Variants in PCDHGA1 observed in about 807,000 individuals in gnomAD.
The protein encoded by PCDHGA1 is protocadherin gamma-A1.
PCDHGA1 carries 32 observed loss-of-function variants against 58.0 expected under a neutral mutation model. The observed-to-expected ratio is 0.55, with a 90% CI of 0.42 to 0.74. The LOEUF (loss-of-function observed/expected upper bound fraction) is 0.74. Ranked by LOEUF, PCDHGA1 falls within the 30% of genes least tolerant of loss-of-function variation. The pLI is 0.00. For missense variants in PCDHGA1, 1,205 were observed against 1,182.3 expected, an observed-to-expected ratio of 1.02 and a Z score of -0.28; for synonymous variants, 498 against 501.1, an observed-to-expected ratio of 0.99 and a Z score of 0.08.
Position 141,431,428 on chromosome 5 carries a change from A to G in PCDHGA1, c.2422-63379A>G. The stretch of plus-strand genomic sequence containing the variant: ...CCGACGGGGGCGACCCGGTGCGCAC[A>G]GGCACCGCGCGCATCCGCGTGATGG... On this transcript the variant is annotated intron_variant, in intron 1 of 3. Transcript: ENST00000517417. This position sits in a 1 kb window ranked among gnomAD's most constrained non-coding sequence, Gnocchi z 4.8. The G allele has an allele frequency of 6.2e-7, 1 of 1,613,664 alleles. No individual in the cohort carries two copies. Among genetic ancestry groups the G allele is most frequent in the Non-Finnish European group, 8.5e-7 (1 of 1,179,998 alleles).
chr5:141,415,848 A>C (rs1222834072), intron 1 of PCDHGA1: 1 of 1,241,178 alleles, frequency 8.1e-7, no homozygotes, highest in Non-Finnish European at 1.0e-6. Context: ...GCTTTGCAGA[A>C]CCTTGTAGTT....
chr5:141,398,660 T>C, intron 1 of PCDHGA1: 2 of 1,614,038 alleles, frequency 1.2e-6, no homozygotes, highest in Non-Finnish European at 1.7e-6. Context: ...AACCCAAGTT[T>C]CTCATTAATA....
At chr5:141,427,602 A>G (rs1415454468) in intron 1 of PCDHGA1, 1 of 685,668 alleles carries the variant, frequency 1.5e-6, no homozygotes, top group Non-Finnish European at 2.7e-6. Flanking sequence ...CACCCTACGC[A>G]TTGGTGAAGT....
chr5:141,476,267 G>T lies in PCDHGA1; in HGVS notation c.2422-18540G>T, dbSNP rs373758158. 15 of 1,614,056 alleles carry T rather than the reference G, an allele frequency of 9.3e-6. No homozygotes were observed. In the South Asian group the frequency reaches 1.6e-4, roughly 18 times the overall value. On this transcript the variant is annotated intron_variant, in intron 1 of 3. Transcript: ENST00000517417. This position sits in a 1 kb window ranked among gnomAD's most constrained non-coding sequence, Gnocchi z 7.6. ...GAAGGGTTTCGCTGTGGGCAACGTGGTCGCGAACCTTGGTTTGGATCTCGG... is the reference window on the plus strand; with the variant it reads ...GAAGGGTTTCGCTGTGGGCAACGTGTTCGCGAACCTTGGTTTGGATCTCGG...
intron 1 of PCDHGA1, chr5:141,400,748 C>A: frequency 5.0e-6 from 3 of 604,576 alleles, no homozygotes; most frequent in Non-Finnish European, 8.6e-6. Context: ...TTGCTCTTAG[C>A]TTCCTCTCTA....
intron 1 of PCDHGA1, chr5:141,360,795 A>G (rs755316172): frequency 2.5e-6 from 4 of 1,613,818 alleles, no homozygotes; most frequent in African/African-American, 2.7e-5. Context: ...GCGGAGACCC[A>G]CCTCAAAGTG....
At chr5:141,492,218 T>C (rs2099738354) in intron 1 of PCDHGA1, among the ~76,000 whole-genome samples, 1 of 152,114 alleles carries the variant, frequency 6.6e-6, no homozygotes. Flanking sequence ...GCGGGGCTCA[T>C]GCGTGTCCTC....
chr5:141,472,564 A>G (rs1471933375), intron 1 of PCDHGA1, among the ~76,000 whole-genome samples: 6 of 152,050 alleles, frequency 3.9e-5, no homozygotes, highest in Admixed American at 2.6e-4. Context: ...TATATTATAA[A>G]TGCTGCATCT....
intron 1 of PCDHGA1, among the ~76,000 whole-genome samples, chr5:141,380,667 T>G (rs552117625): frequency 1.1e-4 from 16 of 152,362 alleles, no homozygotes; most frequent in African/African-American, 3.6e-4. Flanking sequence ...ATTTACTCCA[T>G]AGGGTATGTA....
At chr5:141,478,603 A>C (rs116528962) in intron 1 of PCDHGA1, 173 of 1,563,096 alleles carry the variant, frequency 1.1e-4, no homozygotes, top group Non-Finnish European at 1.4e-4. Context: ...CCTACATCAT[A>C]TTGAGGAAGG....
intron 1 of PCDHGA1, among the ~76,000 whole-genome samples, chr5:141,443,695 A>G (rs1324985529): frequency 1.3e-5 from 2 of 152,272 alleles, no homozygotes; most frequent in Non-Finnish European, 2.9e-5. Context: ...TTCAAAAATT[A>G]TAGAATAACA....
intron 1 of PCDHGA1, among the ~76,000 whole-genome samples, chr5:141,358,422 T>C (rs1760913862): frequency 6.6e-6 from 1 of 152,208 alleles, no homozygotes; most frequent in South Asian, 2.1e-4. Context: ...GAAAGGGTAT[T>C]TTCCATTATA....
Position 141,490,400 on chromosome 5 carries a change from T to A in PCDHGA1, c.2422-4407T>A. On this transcript the variant is annotated intron_variant, in intron 1 of 3. Coordinates refer to ENST00000517417, the MANE Select transcript of PCDHGA1 (RefSeq NM_018912.3). This position sits in a 1 kb window ranked among gnomAD's most constrained non-coding sequence, Gnocchi z 5.4. ...TCAGGTAGAAATGGTGAAGTGAGCC[T>A]TGATATCTCTCCGGACCTGCCATTT... The A allele has an allele frequency of 6.2e-7, 1 of 1,614,202 alleles. No homozygotes were observed. Among genetic ancestry groups the A allele is most frequent in the Non-Finnish European group, 8.5e-7 (1 of 1,180,032 alleles).
intron 1 of PCDHGA1, among the ~76,000 whole-genome samples, chr5:141,336,847 G>A (rs2149717938): frequency 6.6e-6 from 1 of 152,222 alleles, no homozygotes; most frequent in Non-Finnish European, 1.5e-5. Context: ...AGAGTGAAAA[G>A]GCAGCCCACA....
In PCDHGA1 at chr5:141,332,250, T is replaced by C. The variant is rs745568006; in HGVS notation, c.1566T>C (p.Tyr522=). Residue 522 remains tyrosine, a synonymous_variant, in exon 1 of 4, where the codon TAT becomes TAC. Coordinates refer to ENST00000517417, the MANE Select transcript of PCDHGA1 (RefSeq NM_018912.3). The surrounding 1 kb of genome is among the most constrained non-coding windows in gnomAD (Gnocchi z 4.6). ...GVLYALRSFD[Y]EQFRDMQLKV... ...TGTATGCGCTGCGATCCTTCGACTA[T>C]GAGCAGTTCCGGGACATGCAACTGA... The C allele has an allele frequency of 1.2e-6, 2 of 1,614,222 alleles. No homozygotes were observed. The highest frequency in any genetic ancestry group is 8.5e-7 in the Non-Finnish European group (1 of 1,180,044).
intron 1 of PCDHGA1, chr5:141,375,182 G>C: frequency 6.2e-7 from 1 of 1,613,936 alleles, no homozygotes; most frequent in Non-Finnish European, 8.5e-7. Context: ...AACAGTAATC[G>C]CCCTTTTTCA....
chr5:141,421,812 A>T, intron 1 of PCDHGA1: 1 of 1,613,822 alleles, frequency 6.2e-7, no homozygotes, highest in Non-Finnish European at 8.5e-7. Context: ...ATCCAGAGCT[A>T]GTACTGGAGG....
Position 141,400,778 on chromosome 5 carries a change from T to A in PCDHGA1, c.2421+67673T>A, listed in dbSNP as rs1589424490. ...TCTCTAGCAAAAACATTTGGTGCGT[T>A]TTTTTGTCCTCTTTCTCAAAGCTAA... On this transcript the variant is annotated intron_variant, in intron 1 of 3. Coordinates refer to ENST00000517417, the MANE Select transcript of PCDHGA1 (RefSeq NM_018912.3). 6 of 568,120 alleles carry A rather than the reference T, an allele frequency of 1.1e-5. No individual in the cohort carries two copies. The East Asian group carries it at 1.7e-4, about 16-fold the overall frequency. 35.2% of individuals were successfully genotyped at this position (568,120 alleles called of 1,614,324 possible).
intron 1 of PCDHGA1, among the ~76,000 whole-genome samples, chr5:141,467,047 A>G (rs1271306217): frequency 1.3e-5 from 2 of 149,986 alleles, no homozygotes; most frequent in East Asian, 3.9e-4. Context: ...GTAATGAATC[A>G]ATGTTTTCTT....
Sources: allele counts gnomAD v4.1 joint callset (sites outside exome capture counted in the v4.1 genomes callset), GRCh38; gene constraint gnomAD v4.1.1; non-coding constraint Gnocchi (gnomAD v3.1); transcripts MANE v1.5; gene names NCBI Gene and HGNC (gene_info 2026-07-23, HGNC 2026-07-21).